The following COL26A1 variants were observed in gnomAD, a reference collection of about 807,000 sequenced individuals.
COL26A1 encodes collagen type XXVI alpha 1 chain, also known as collagen alpha-1(XXVI) chain.
In COL26A1, 41 loss-of-function variants were observed where a neutral mutation model predicts 59.3. That is an observed-to-expected ratio of 0.69 (90% confidence interval 0.54 to 0.90). The LOEUF is 0.90. Ranked by LOEUF, COL26A1 falls within the 40% of genes least tolerant of loss-of-function variation. COL26A1 has a pLI of 0.00. For missense variants in COL26A1, 612 were observed against 602.3 expected, an observed-to-expected ratio of 1.02 and a Z score of -0.17; for synonymous variants, 266 against 256.0, an observed-to-expected ratio of 1.04 and a Z score of -0.37.
At chr7:101,450,152 A>T (rs1351413531) in intron 3 of COL26A1, among the ~76,000 whole-genome samples, 1 of 151,924 alleles carries the variant, frequency 6.6e-6, no homozygotes, top group African/African-American at 2.4e-5. Flanking sequence ...TACAGATTAA[A>T]ATGAGCTAGG....
At chr7:101,435,743 C>T (rs1403277609) in intron 2 of COL26A1, among the ~76,000 whole-genome samples, 3 of 152,164 alleles carry the variant, frequency 2.0e-5, no homozygotes, top group African/African-American at 2.4e-5. Context: ...AAGTTTTCTT[C>T]GGCCGGGCTT....
intron 3 of COL26A1, among the ~76,000 whole-genome samples, chr7:101,451,707 CTT>C (rs60481013): frequency 2.9e-4 from 41 of 139,050 alleles, no homozygotes; most frequent in Admixed American, 5.1e-4. Flanking sequence ...TCATTTGCAT[CTT>C]TTTTTTTTTT....
chr7:101,395,431 C>T (rs1333614145), intron 1 of COL26A1, among the ~76,000 whole-genome samples: 1 of 152,172 alleles, frequency 6.6e-6, no homozygotes, highest in East Asian at 1.9e-4. Context: ...GTTTTGATCC[C>T]ACGGTGAAAC....
intron 1 of COL26A1, among the ~76,000 whole-genome samples, chr7:101,385,440 G>C (rs1383689188): frequency 6.7e-6 from 1 of 150,334 alleles, no homozygotes; most frequent in African/African-American, 2.4e-5. Flanking sequence ...GCGTGATCTT[G>C]GCTCACTGCA....
intron 3 of COL26A1, among the ~76,000 whole-genome samples, chr7:101,497,635 G>A (rs1209199774): frequency 6.6e-6 from 1 of 151,682 alleles, no homozygotes; most frequent in East Asian, 1.9e-4. Flanking sequence ...GTCATTGCAC[G>A]ATTACACCCC....
At chr7:101,382,622 T>C (rs975349423) in intron 1 of COL26A1, among the ~76,000 whole-genome samples, 1 of 152,260 alleles carries the variant, frequency 6.6e-6, no homozygotes, top group Non-Finnish European at 1.5e-5. Context: ...CACTGTTCTT[T>C]ATCAAAATAT....
chr7:101,525,740 C>CTT (rs1245368716), intron 3 of COL26A1, among the ~76,000 whole-genome samples: 1 of 152,138 alleles, frequency 6.6e-6, no homozygotes, highest in East Asian at 1.9e-4. Context: ...TCGTGATCCG[C>CTT]CCACCTTGGC....
intron 2 of COL26A1, among the ~76,000 whole-genome samples, chr7:101,434,650 C>T (rs575763829): frequency 1.8e-3 from 274 of 152,012 alleles, no homozygotes; most frequent in Middle Eastern, 6.8e-3. Context: ...TCAAAACTAA[C>T]GCTCACTAGT....
intron 1 of COL26A1, among the ~76,000 whole-genome samples, chr7:101,392,935 G>A (rs1163762859): frequency 6.6e-6 from 1 of 151,946 alleles, no homozygotes; most frequent in Non-Finnish European, 1.5e-5. Context: ...ACTTTACATG[G>A]TAAAAGGGAC....
intron 11 of COL26A1, 37 bp downstream of exon 11, chr7:101,553,413 C>G: frequency 6.2e-7 from 1 of 1,603,616 alleles, no homozygotes; most frequent in Non-Finnish European, 8.5e-7. Flanking sequence ...CTCCCGCCTC[C>G]TTGGCTGTGA....
At chr7:101,430,489 C>T (rs769839870) in intron 2 of COL26A1, among the ~76,000 whole-genome samples, 33 of 151,750 alleles carry the variant, frequency 2.2e-4, no homozygotes, top group Non-Finnish European at 4.3e-4. Context: ...ACGGGTTTCA[C>T]CATGTTGGTC....
intron 1 of COL26A1, 119 bp downstream of exon 1, chr7:101,363,309 T>G (rs1584339237): frequency 8.4e-6 from 4 of 476,988 alleles, no homozygotes; most frequent in Admixed American, 1.3e-4. Context: ...ATCCGGGACT[T>G]GGGGGCGCAG....
chr7:101,438,924 C>T (rs879579534), intron 2 of COL26A1, among the ~76,000 whole-genome samples: 13 of 143,658 alleles, frequency 9.0e-5, no homozygotes, highest in East Asian at 3.9e-4. Context: ...ACGATCCACC[C>T]GTCTGGGCCT....
intron 1 of COL26A1, among the ~76,000 whole-genome samples, chr7:101,410,506 C>T (rs1260942472): frequency 6.6e-6 from 1 of 152,176 alleles, no homozygotes; most frequent in African/African-American, 2.4e-5. Context: ...TTAGTGACTA[C>T]TGTCTGTTGA....
intron 2 of COL26A1, among the ~76,000 whole-genome samples, chr7:101,443,226 G>C (rs59191660): frequency 0.25 from 37,752 of 151,980 alleles, 9,168 homozygotes; most frequent in African/African-American, 0.63. Context: ...AAAGCTGGGG[G>C]CTTTGCTCTC....
intron 3 of COL26A1, among the ~76,000 whole-genome samples, chr7:101,523,732 T>G (rs1181392873): frequency 6.6e-6 from 1 of 152,206 alleles, no homozygotes. Flanking sequence ...CATCCATCTG[T>G]CTCGTGTCTT....
chr7:101,385,386 T>TATATATATATATATATATATATATA (rs58580713), intron 1 of COL26A1, among the ~76,000 whole-genome samples: 29 of 149,772 alleles, frequency 1.9e-4, no homozygotes, highest in East Asian at 5.9e-4. Context: ...TATATATATA[T>TATATATATATATATATATATATATA]TTGTGACGGA....
At chr7:101,537,354 CAG>C (rs1234765752) in intron 4 of COL26A1, among the ~76,000 whole-genome samples, 2 of 152,224 alleles carry the variant, frequency 1.3e-5, no homozygotes, top group African/African-American at 4.8e-5. Flanking sequence ...ACAGAAGCCT[CAG>C]AGTCCCAGCA....
intron 1 of COL26A1, among the ~76,000 whole-genome samples, chr7:101,402,717 CTT>C (rs1290404681): frequency 8.1e-6 from 1 of 122,960 alleles, no homozygotes; most frequent in Non-Finnish European, 1.6e-5. Flanking sequence ...TTCTTTCTCT[CTT>C]TCTCTCCTTC....
Sources: gnomAD v4.1 joint callset for allele counts (sites outside exome capture counted in the v4.1 genomes callset) on GRCh38, gnomAD v4.1.1 for gene constraint, MANE v1.5 for transcripts, NCBI Gene and HGNC (gene_info 2026-07-23, HGNC 2026-07-21) for gene names.